The following ARHGAP15 variants were observed in gnomAD, a reference collection of about 807,000 sequenced individuals.
ARHGAP15 encodes rho GTPase-activating protein 15.
ARHGAP15 carries 51 observed loss-of-function variants against 63.7 expected under a neutral mutation model. The observed-to-expected ratio is 0.80, with a 90% CI of 0.64 to 1.01. The LOEUF (loss-of-function observed/expected upper bound fraction) is 1.01, where lower values mean the gene tolerates loss of function less well. Ranked by LOEUF, ARHGAP15 falls within the 50% of genes least tolerant of loss-of-function variation. The pLI, the probability that ARHGAP15 is intolerant of heterozygous loss-of-function variation, is 0.00. For synonymous variants in ARHGAP15, 191 were observed against 193.8 expected (o/e 0.99, Z 0.12); for missense variants, 560 against 564.6 (o/e 0.99, Z 0.08).
At chr2:143,744,257 A>C (rs1686074982) in intron 13 of ARHGAP15, among the ~76,000 whole-genome samples, 2 of 152,232 alleles carry the variant, frequency 1.3e-5, no homozygotes, top group South Asian at 2.1e-4. Flanking sequence ...TTGTATCATT[A>C]GTTAAGAACA....
intron 6 of ARHGAP15, among the ~76,000 whole-genome samples, chr2:143,365,925 T>C (rs1206690920): frequency 6.6e-6 from 1 of 152,192 alleles, no homozygotes; most frequent in Non-Finnish European, 1.5e-5. Context: ...GTTTTTCGAT[T>C]CTTCTAGAAA....
At chr2:143,448,908 G>C (rs1040814543) in intron 8 of ARHGAP15, among the ~76,000 whole-genome samples, 1 of 151,986 alleles carries the variant, frequency 6.6e-6, no homozygotes, top group Non-Finnish European at 1.5e-5. Flanking sequence ...GTTTTTGAAA[G>C]TCCAGAGCCA....
chr2:143,412,962 C>A (rs1688504437), intron 6 of ARHGAP15, among the ~76,000 whole-genome samples: 1 of 152,026 alleles, frequency 6.6e-6, no homozygotes, highest in African/African-American at 2.4e-5. Flanking sequence ...ATTTTCAGGT[C>A]TAAATTTTTA....
chr2:143,447,957 T>C (rs1323965873), intron 8 of ARHGAP15, among the ~76,000 whole-genome samples: 1 of 152,046 alleles, frequency 6.6e-6, no homozygotes, highest in Admixed American at 6.6e-5. Context: ...GGTAATATAT[T>C]TGGAAGTGAT....
chr2:143,675,461 A>C (rs1441861649), intron 12 of ARHGAP15, among the ~76,000 whole-genome samples: 1 of 152,184 alleles, frequency 6.6e-6, no homozygotes, highest in Non-Finnish European at 1.5e-5. Flanking sequence ...CATTCATCAG[A>C]GGGCTCATTC....
chr2:143,135,563 T>C (rs1689102237), intron 1 of ARHGAP15, among the ~76,000 whole-genome samples: 1 of 152,238 alleles, frequency 6.6e-6, no homozygotes, highest in Non-Finnish European at 1.5e-5. Flanking sequence ...AGAAATATTA[T>C]AGAATATACC....
chr2:143,373,853 A>G (rs1390865705), intron 6 of ARHGAP15, among the ~76,000 whole-genome samples: 1 of 152,180 alleles, frequency 6.6e-6, no homozygotes, highest in Admixed American at 6.6e-5. Flanking sequence ...TGTAATATTA[A>G]TAAAGTTCTA....
intron 6 of ARHGAP15, among the ~76,000 whole-genome samples, chr2:143,281,977 A>C (rs1318203635): frequency 2.0e-5 from 3 of 152,110 alleles, no homozygotes; most frequent in Non-Finnish European, 4.4e-5. Context: ...CTTGTTATAG[A>C]TGGAATTGAA....
intron 10 of ARHGAP15, chr2:143,521,871 G>T (rs181502800): frequency 8.6e-5 from 13 of 151,832 alleles, no homozygotes; most frequent in Admixed American, 8.5e-4. Context: ...TTAGATGGAT[G>T]ATTTAAAATG....
intron 6 of ARHGAP15, among the ~76,000 whole-genome samples, chr2:143,258,015 A>G (rs769168481): frequency 6.6e-6 from 1 of 152,122 alleles, no homozygotes; most frequent in Non-Finnish European, 1.5e-5. Flanking sequence ...ATGATTTTTA[A>G]TAGCAAACAG....
At chr2:143,535,836 C>G (rs1212613943) in intron 10 of ARHGAP15, among the ~76,000 whole-genome samples, 1 of 152,156 alleles carries the variant, frequency 6.6e-6, no homozygotes, top group Non-Finnish European at 1.5e-5. Context: ...TAATTGATAT[C>G]TTGCCACTTT....
At chr2:143,542,092 C>A (rs1054843752) in intron 10 of ARHGAP15, among the ~76,000 whole-genome samples, 1 of 152,218 alleles carries the variant, frequency 6.6e-6, no homozygotes, top group African/African-American at 2.4e-5. Flanking sequence ...ACCCCTCCCC[C>A]AGCCTCGCTG....
chr2:143,519,130 C>T (rs1207484302), intron 9 of ARHGAP15, 136 bp from the exon 10 acceptor site: 4 of 577,172 alleles, frequency 6.9e-6, no homozygotes, highest in Non-Finnish European at 1.3e-5. Context: ...CTGCCATAGA[C>T]ACTATGGAAA....
chr2:143,441,395 C>T, intron 8 of ARHGAP15, among the ~76,000 whole-genome samples: 1 of 152,160 alleles, frequency 6.6e-6, no homozygotes, highest in South Asian at 2.1e-4. Flanking sequence ...ACTCTTGATT[C>T]TCCTAAACCC....
chr2:143,166,147 A>C lies in ARHGAP15; in HGVS notation c.165+10492A>C, dbSNP rs6711208. On this transcript the variant is annotated intron_variant, in intron 2 of 13. Coordinates refer to ENST00000295095, the MANE Select transcript of ARHGAP15 (RefSeq NM_018460.4). ...AGGTTATTCATGTGACATCCCGATT[A>C]TTCTCATCCACAACACAATCTGGGT... Among the ~76,000 whole-genome samples the C allele has an allele frequency of 5.3e-3, 800 of 152,232 alleles. 11 individuals are homozygous for C. Among genetic ancestry groups the C allele is most frequent in the African/African-American group, 0.018 (739 of 41,552 alleles).
intron 3 of ARHGAP15, among the ~76,000 whole-genome samples, chr2:143,213,914 T>C (rs931613281): frequency 6.6e-6 from 1 of 152,222 alleles, no homozygotes; most frequent in African/African-American, 2.4e-5. Context: ...GCCCTTGGCA[T>C]CAATCTCAAG....
intron 4 of ARHGAP15, among the ~76,000 whole-genome samples, chr2:143,227,064 G>GT (rs1171497087): frequency 6.6e-6 from 1 of 152,142 alleles, no homozygotes; most frequent in African/African-American, 2.4e-5. Flanking sequence ...GAATTCAACT[G>GT]TTTTGAAGTG....
chr2:143,624,573 T>G (rs1484244883), intron 12 of ARHGAP15, among the ~76,000 whole-genome samples: 1 of 152,202 alleles, frequency 6.6e-6, no homozygotes, highest in African/African-American at 2.4e-5. Context: ...GGGTTCACTG[T>G]GTGCACCCCT....
At chr2:143,268,862 C>G (rs576067283) in intron 6 of ARHGAP15, among the ~76,000 whole-genome samples, 1 of 149,006 alleles carries the variant, frequency 6.7e-6, no homozygotes, top group African/African-American at 2.5e-5. Context: ...TTAGGATAAA[C>G]TCTTATAACT....
Sources: allele counts gnomAD v4.1 joint callset (sites outside exome capture counted in the v4.1 genomes callset), GRCh38; gene constraint gnomAD v4.1.1; transcripts MANE v1.5; gene names NCBI Gene and HGNC (gene_info 2026-07-23, HGNC 2026-07-21).